LRMDA: variants seen among roughly 807,000 people sequenced by gnomAD.
The protein encoded by LRMDA is leucine rich melanocyte differentiation associated, also known as leucine-rich melanocyte differentiation-associated protein.
In LRMDA, 18 loss-of-function variants were observed where a neutral mutation model predicts 29.8. The ratio of observed to expected loss-of-function variants is 0.60; its 90% CI spans 0.42 to 0.90. The LOEUF is 0.90. Among genes scored for constraint, LRMDA ranks in the 40% least tolerant of loss-of-function variants. The pLI is 0.00. For synonymous variants in LRMDA, 125 were observed against 109.4 expected, an observed-to-expected ratio of 1.14 and a Z score of -0.89; for missense variants, 273 against 273.9, an observed-to-expected ratio of 1.00 and a Z score of 0.02.
At position 75,484,660 on chromosome 10, in the gene LRMDA, G is replaced by C. The variant is rs80108183; in HGVS notation, c.131+46166G>C. On this transcript the variant is annotated intron_variant, in intron 2 of 6. Transcript: ENST00000611255. Reference sequence around the variant, plus strand: ...TAATTAAGGTTAAATGAGGTCACAAGGGTGGGGCCTTAATCCAATAGGACT... The same window carrying C: ...TAATTAAGGTTAAATGAGGTCACAACGGTGGGGCCTTAATCCAATAGGACT... 2.5e-3 allele frequency among the ~76,000 whole-genome samples: 381 copies of C among 152,328 alleles called. 2 individuals are homozygous for C. Among genetic ancestry groups the C allele is most frequent in the Non-Finnish European group, 3.5e-3 (235 of 68,036 alleles).
At chr10:76,025,852 C>A (rs1465757744) in intron 2 of LRMDA, among the ~76,000 whole-genome samples, 1 of 152,248 alleles carries the variant, frequency 6.6e-6, no homozygotes, top group Non-Finnish European at 1.5e-5. Context: ...CCTGCATTAT[C>A]TGGTAACTGC....
At chr10:76,455,944 C>T (rs1244182127) in intron 6 of LRMDA, among the ~76,000 whole-genome samples, 2 of 152,082 alleles carry the variant, frequency 1.3e-5, no homozygotes, top group Non-Finnish European at 2.9e-5. Flanking sequence ...TGTATAGGCC[C>T]AGTGATTCCA....
At chr10:75,610,532 G>T (rs1264293259) in intron 2 of LRMDA, among the ~76,000 whole-genome samples, 1 of 151,842 alleles carries the variant, frequency 6.6e-6, no homozygotes, top group Non-Finnish European at 1.5e-5. Context: ...AATATACAAA[G>T]TACAGTATAT....
At chr10:75,506,503 A>G (rs777627051) in intron 2 of LRMDA, among the ~76,000 whole-genome samples, 14 of 151,878 alleles carry the variant, frequency 9.2e-5, no homozygotes, top group African/African-American at 1.7e-4. Flanking sequence ...GGTGTCTTAT[A>G]GCAGATCAGT....
intron 5 of LRMDA, among the ~76,000 whole-genome samples, chr10:76,179,399 G>A (rs1488938474): frequency 6.6e-6 from 1 of 151,954 alleles, no homozygotes; most frequent in Non-Finnish European, 1.5e-5. Flanking sequence ...GAGTGGAGGT[G>A]TTTGCCTCAA....
At position 75,680,489 on chromosome 10, in the gene LRMDA, T is replaced by C. The variant is rs137907014; in HGVS notation, c.131+241995T>C. 5.9e-5 allele frequency among the ~76,000 whole-genome samples: 9 copies of C among 152,150 alleles called. No individual in the cohort carries two copies. In the East Asian group the frequency reaches 1.7e-3, roughly 29 times the overall value. ...CCTTGTAGTGGTGTTTTACTTTACTTTTCATATATATATATATATTTCTCT... is the reference window on the plus strand; with the variant it reads ...CCTTGTAGTGGTGTTTTACTTTACTCTTCATATATATATATATATTTCTCT... On this transcript the variant is annotated intron_variant, in intron 2 of 6. Coordinates refer to ENST00000611255, the MANE Select transcript of LRMDA (RefSeq NM_001305581.2).
chr10:76,483,740 G>A (rs1264516293), intron 6 of LRMDA, among the ~76,000 whole-genome samples: 3 of 146,570 alleles, frequency 2.0e-5, no homozygotes, highest in African/African-American at 7.5e-5. Context: ...AAAAAAAAAA[G>A]CAAATGTACA....
chr10:76,230,728 T>A (rs1852043999), intron 5 of LRMDA, among the ~76,000 whole-genome samples: 1 of 152,220 alleles, frequency 6.6e-6, no homozygotes, highest in Non-Finnish European at 1.5e-5. Context: ...ACTTGTCAAT[T>A]TCAACAACAA....
At position 76,133,209 on chromosome 10, in the gene LRMDA, C is replaced by G. The variant is rs1850030756; in HGVS notation, c.516+74426C>G. ...AAACCAAAACCTCTTCAACGCTATG[C>G]TAAGTGTTACTTAATCTCATTTCAT... On this transcript the variant is annotated intron_variant, in intron 5 of 6. Coordinates refer to ENST00000611255, the MANE Select transcript of LRMDA (RefSeq NM_001305581.2). Among the ~76,000 whole-genome samples the G allele has an allele frequency of 3.3e-5, 5 of 151,912 alleles. No homozygotes were observed. In the South Asian group the frequency reaches 6.2e-4, roughly 19 times the overall value.
chr10:75,824,748 A>G (rs1844220655), intron 2 of LRMDA, among the ~76,000 whole-genome samples: 1 of 152,214 alleles, frequency 6.6e-6, no homozygotes, highest in Admixed American at 6.5e-5. Context: ...GAGAGCCAGC[A>G]TATTGGCTCT....
At chr10:75,672,498 C>T (rs185513700) in intron 2 of LRMDA, among the ~76,000 whole-genome samples, 20 of 134,446 alleles carry the variant, frequency 1.5e-4, no homozygotes, top group African/African-American at 4.0e-4. Flanking sequence ...TTTGCTAAGA[C>T]ACTTCCTTGT....
At chr10:76,196,939 A>G (rs1000727708) in intron 5 of LRMDA, among the ~76,000 whole-genome samples, 2 of 152,056 alleles carry the variant, frequency 1.3e-5, no homozygotes, top group Admixed American at 1.3e-4. Flanking sequence ...CCTTTTCTCT[A>G]TGGGCAACTC....
At chr10:76,175,326 C>G (rs1473645088) in intron 5 of LRMDA, among the ~76,000 whole-genome samples, 1 of 152,156 alleles carries the variant, frequency 6.6e-6, no homozygotes, top group Non-Finnish European at 1.5e-5. Context: ...GAGACCTTGC[C>G]TAGTTTCCTA....
intron 2 of LRMDA, among the ~76,000 whole-genome samples, chr10:75,510,416 G>A (rs183674054): frequency 2.1e-4 from 32 of 152,320 alleles, no homozygotes; most frequent in Admixed American, 5.2e-4. Flanking sequence ...CTGGGAAGAG[G>A]ACTTGTATGT....
chr10:76,258,676 T>G (rs1366836358), intron 5 of LRMDA, among the ~76,000 whole-genome samples: 1 of 152,182 alleles, frequency 6.6e-6, no homozygotes, highest in Admixed American at 6.5e-5. Context: ...AGATCATCTT[T>G]TTTTAGCTTC....
At chr10:75,514,180 T>TTC (rs1554896067) in intron 2 of LRMDA, among the ~76,000 whole-genome samples, 14 of 139,488 alleles carry the variant, frequency 1.0e-4, no homozygotes, top group Non-Finnish European at 1.4e-4. Flanking sequence ...TTTTTTTTTT[T>TTC]CCTTTCTTCT....
At position 75,691,119 on chromosome 10, in the gene LRMDA, TATATACATAGATATATAGATCTATATATC is replaced by T. The variant is rs1473963107; in HGVS notation, c.131+252626_131+252654del. On this transcript the variant is annotated intron_variant, in intron 2 of 6. Transcript: ENST00000611255. ...ACATAGATATATAGATCTATATATC[TATATACATAGATATATAGATCTATATATC>T]TATATACATAGATATATAGATCTAT... 1.1e-3 allele frequency among the ~76,000 whole-genome samples: 91 copies of T among 81,718 alleles called. 1 individual carries two copies. Among genetic ancestry groups the T allele is most frequent in the African/African-American group, 7.6e-3 (90 of 11,906 alleles). 53.6% of individuals were successfully genotyped at this position (81,718 alleles called of 152,430 possible). A position where few individuals can be genotyped will look rare whatever the true frequency, so the allele number is the denominator to read the frequency against.
intron 5 of LRMDA, among the ~76,000 whole-genome samples, chr10:76,161,694 C>A (rs1224934684): frequency 6.6e-6 from 1 of 152,160 alleles, no homozygotes; most frequent in Non-Finnish European, 1.5e-5. Context: ...GCCAACAGTC[C>A]AAAACTGTCC....
intron 2 of LRMDA, among the ~76,000 whole-genome samples, chr10:75,749,774 C>T (rs1003773779): frequency 2.5e-4 from 38 of 152,156 alleles, no homozygotes; most frequent in African/African-American, 8.0e-4. Context: ...GAGGACCCTG[C>T]GGCCTTCCGC....
Sources: gnomAD v4.1 joint callset for allele counts (sites outside exome capture counted in the v4.1 genomes callset) on GRCh38, gnomAD v4.1.1 for gene constraint, MANE v1.5 for transcripts, NCBI Gene and HGNC (gene_info 2026-07-23, HGNC 2026-07-21) for gene names.